Variants in SLC35F4 observed in about 807,000 individuals in gnomAD.
SLC35F4 encodes chromosome 14 open reading frame 36.
A neutral mutation model predicts 44.2 loss-of-function variants in SLC35F4; 24 were observed. The ratio of observed to expected loss-of-function variants is 0.54; its 90% CI spans 0.39 to 0.76. SLC35F4 has a LOEUF of 0.76. Ranked by LOEUF, SLC35F4 falls within the 30% of genes least tolerant of loss-of-function variation. The pLI is 0.00. For synonymous variants in SLC35F4, 238 were observed against 223.6 expected, an observed-to-expected ratio of 1.06 and a Z score of -0.57; for missense variants, 562 against 586.1, an observed-to-expected ratio of 0.96 and a Z score of 0.42.
chr14:57,698,672 C>T (rs1050381710), intron 1 of SLC35F4, among the ~76,000 whole-genome samples: 3 of 148,892 alleles, frequency 2.0e-5, no homozygotes, highest in Non-Finnish European at 3.0e-5. Flanking sequence ...GAGTCTTGCT[C>T]TGTTGCTCAG....
chr14:57,855,879 G>T (rs1352702428), intron 1 of SLC35F4, among the ~76,000 whole-genome samples: 1 of 152,152 alleles, frequency 6.6e-6, no homozygotes, highest in Non-Finnish European at 1.5e-5. Context: ...ATGAGTTCAT[G>T]TCCTTTTCAG....
At chr14:57,893,327 T>A (rs1001993374) in intron 1 of SLC35F4, among the ~76,000 whole-genome samples, 1 of 152,204 alleles carries the variant, frequency 6.6e-6, no homozygotes, top group Non-Finnish European at 1.5e-5. Flanking sequence ...ATGTACTATC[T>A]GTCAGGCATT....
intron 1 of SLC35F4, among the ~76,000 whole-genome samples, chr14:57,651,646 C>T (rs1406381327): frequency 6.6e-6 from 1 of 152,062 alleles, no homozygotes; most frequent in Non-Finnish European, 1.5e-5. Flanking sequence ...CAGGGTGGAG[C>T]TGAGGTAGCA....
At chr14:57,604,305 A>C (rs1317618889) in intron 1 of SLC35F4, 1 of 152,216 alleles carries the variant, frequency 6.6e-6, no homozygotes, top group African/African-American at 2.4e-5. Flanking sequence ...TTTAAGATTC[A>C]CTTTAGAACA....
chr14:57,744,741 C>T (rs2076709766), intron 1 of SLC35F4, among the ~76,000 whole-genome samples: 1 of 152,186 alleles, frequency 6.6e-6, no homozygotes, highest in Non-Finnish European at 1.5e-5. Flanking sequence ...GAAAAAACTA[C>T]TTTAAAGTTC....
chr14:57,719,302 T>C (rs1285166761), intron 1 of SLC35F4, among the ~76,000 whole-genome samples: 1 of 152,108 alleles, frequency 6.6e-6, no homozygotes, highest in Non-Finnish European at 1.5e-5. Context: ...TTGGCTATTA[T>C]GGGTCCTTTG....
At chr14:57,852,791 A>C (rs895236601) in intron 1 of SLC35F4, among the ~76,000 whole-genome samples, 1 of 151,868 alleles carries the variant, frequency 6.6e-6, no homozygotes, top group Non-Finnish European at 1.5e-5. Context: ...ACAAAAACAC[A>C]AAATAGATAC....
Position 57,589,462 on chromosome 14 carries a change from A to G in SLC35F4, c.341T>C (p.Ile114Thr). 1 of 1,613,752 alleles carries G rather than the reference A, an allele frequency of 6.2e-7. No individual in the cohort carries two copies. The highest frequency in any genetic ancestry group is 8.5e-7 in the Non-Finnish European group (1 of 1,179,832). The change falls in exon 3 of 8, where the codon ATC becomes ACC. Residue 114 changes from isoleucine to threonine, a missense_variant. Transcript: ENST00000556826. Reference sequence around the variant, plus strand: ...CGTGCAGGACAGGCAGCGAGCCTTGATTCTGTTTTCTTGGCTGCTGTTCTC... The same window carrying G: ...CGTGCAGGACAGGCAGCGAGCCTTGGTTCTGTTTTCTTGGCTGCTGTTCTC... ...HSENSSQENR[I>T]KARCLSCTSM... is the part of the protein sequence containing the mutation.
At chr14:57,839,448 G>C (rs1342071759) in intron 1 of SLC35F4, among the ~76,000 whole-genome samples, 1 of 152,144 alleles carries the variant, frequency 6.6e-6, no homozygotes, top group Non-Finnish European at 1.5e-5. Context: ...AGATGGAGCT[G>C]GAAGCTGTTA....
At chr14:57,844,995 CT>C (rs1885878226) in intron 1 of SLC35F4, among the ~76,000 whole-genome samples, 2 of 151,968 alleles carry the variant, frequency 1.3e-5, no homozygotes, top group Admixed American at 1.3e-4. Flanking sequence ...CTCTTTTCTT[CT>C]TTCTAAAAAG....
intron 1 of SLC35F4, among the ~76,000 whole-genome samples, chr14:57,889,767 T>A (rs1311083446): frequency 6.6e-6 from 1 of 152,230 alleles, no homozygotes; most frequent in African/African-American, 2.4e-5. Context: ...AATGCCTTTG[T>A]TATATGGACT....
intron 1 of SLC35F4, among the ~76,000 whole-genome samples, chr14:57,836,361 C>A (rs1192331902): frequency 1.3e-5 from 2 of 152,152 alleles, no homozygotes; most frequent in Non-Finnish European, 2.9e-5. Flanking sequence ...GGCGCGATCT[C>A]AGCTCACTGC....
chr14:57,662,703 T>C (rs930263853), intron 1 of SLC35F4, among the ~76,000 whole-genome samples: 13 of 152,206 alleles, frequency 8.5e-5, no homozygotes, highest in African/African-American at 1.2e-4. Context: ...TATTCTGTTA[T>C]AGCAATAGAA....
chr14:57,975,807 C>T (rs182303991), downstream of SLC35F4, among the ~76,000 whole-genome samples: 11 of 152,202 alleles, frequency 7.2e-5, no homozygotes, highest in East Asian at 2.1e-3. Context: ...TTGAGATGGG[C>T]TCTATAGAAT....
intron 1 of SLC35F4, among the ~76,000 whole-genome samples, chr14:57,981,320 T>C (rs1157884174): frequency 6.6e-6 from 1 of 152,154 alleles, no homozygotes; most frequent in African/African-American, 2.4e-5. Flanking sequence ...CAAGAAAATA[T>C]ACGTGAAAAA....
intron 1 of SLC35F4, among the ~76,000 whole-genome samples, chr14:57,646,894 A>T (rs1224010565): frequency 1.3e-5 from 2 of 152,228 alleles, no homozygotes; most frequent in Non-Finnish European, 2.9e-5. Flanking sequence ...GTAGTCATTC[A>T]GGAGCAGGTT....
intron 1 of SLC35F4, among the ~76,000 whole-genome samples, chr14:57,720,625 T>G (rs1282471721): frequency 3.3e-5 from 5 of 152,044 alleles, no homozygotes; most frequent in Non-Finnish European, 7.4e-5. Flanking sequence ...AGTGTCAGCT[T>G]GATTGGATTG....
chr14:57,908,403 C>T (rs541492907), intron 1 of SLC35F4, among the ~76,000 whole-genome samples: 1 of 152,268 alleles, frequency 6.6e-6, no homozygotes, highest in African/African-American at 2.4e-5. Context: ...ATTTACATTC[C>T]CACCAACAGT....
chr14:57,901,394 G>A (rs1218050099), intron 1 of SLC35F4, among the ~76,000 whole-genome samples: 9 of 152,222 alleles, frequency 5.9e-5, no homozygotes, highest in Admixed American at 2.6e-4. Flanking sequence ...GCTGGAAGCC[G>A]TTATTGCCAG....
Sources: allele counts gnomAD v4.1 joint callset (sites outside exome capture counted in the v4.1 genomes callset), GRCh38; gene constraint gnomAD v4.1.1; transcripts MANE v1.5; gene names NCBI Gene and HGNC (gene_info 2026-07-23, HGNC 2026-07-21).